Variants in NRDE2 observed in about 807,000 individuals in gnomAD.
NRDE2 encodes the protein nuclear exosome regulator NRDE2.
A neutral mutation model predicts 124.2 loss-of-function variants in NRDE2; 76 were observed. The observed-to-expected ratio is 0.61, with a 90% CI of 0.51 to 0.74. The LOEUF (loss-of-function observed/expected upper bound fraction) is 0.74, where lower values mean the gene tolerates loss of function less well. Among genes scored for constraint, NRDE2 ranks in the 30% least tolerant of loss-of-function variants. The probability of loss-of-function intolerance (pLI) is 0.00; values close to 1 mark genes in which losing one functional copy is unlikely to be tolerated. For synonymous variants in NRDE2, 489 were observed against 528.1 expected, an observed-to-expected ratio of 0.93 and a Z score of 1.01; for missense variants, 1,314 against 1,417.3, an observed-to-expected ratio of 0.93 and a Z score of 1.17.
rs984246940 is a variant in NRDE2 at position 90,277,540 on chromosome 14, C to T, written c.*796G>A. ...AATGCAACACCAGAACCAGGCCAGC[C>T]TTGGCCTTCATAGTGTAAGCAGCGT... On this transcript the variant is annotated 3_prime_UTR_variant, in exon 14 of 14. Coordinates refer to ENST00000354366, the MANE Select transcript of NRDE2 (RefSeq NM_017970.4). 1.3e-5 allele frequency: 2 copies of T among 152,308 alleles called. No homozygotes were observed. Among genetic ancestry groups the T allele is most frequent in the Non-Finnish European group, 2.9e-5 (2 of 68,078 alleles). 9.4% of individuals were successfully genotyped at this position (152,308 alleles called of 1,614,324 possible).
chr14:90,309,837 G>A (rs1426925044), intron 4 of NRDE2, among the ~76,000 whole-genome samples: 1 of 152,190 alleles, frequency 6.6e-6, no homozygotes. Context: ...TTTGTCTTGT[G>A]TAAACTTTAC....
chr14:90,288,136 G>T, intron 11 of NRDE2, 81 bp downstream of exon 11: 1 of 1,333,922 alleles, frequency 7.5e-7, no homozygotes, highest in South Asian at 1.4e-5. Flanking sequence ...CTGTCTTCCT[G>T]AGACCCAGCA....
chr14:90,298,557 C>T (rs1029404875), intron 7 of NRDE2, among the ~76,000 whole-genome samples, 177 bp from the exon 8 acceptor site: 2 of 152,282 alleles, frequency 1.3e-5, no homozygotes, highest in Admixed American at 6.5e-5. Flanking sequence ...ATCTATCTAG[C>T]GTGGCAGGCA....
In NRDE2 at chr14:90,268,980, C is replaced by T. The variant is rs973321596; in HGVS notation, c.*9356G>A. On this transcript the variant is annotated 3_prime_UTR_variant, in exon 14 of 14. Coordinates refer to ENST00000354366, the MANE Select transcript of NRDE2 (RefSeq NM_017970.4). ...GCTGCTCTCTGCTTCCGAGATGGCA[C>T]CTATTCTGCAGAGGAGACAAATGCT... 9 of 161,958 alleles carry T rather than the reference C, an allele frequency of 5.6e-5. No homozygotes were observed. Among genetic ancestry groups the T allele is most frequent in the Admixed American group, 5.5e-4 (9 of 16,350 alleles). The allele number at this position is 161,958 out of a possible 1,614,324, so 10.0% of individuals were successfully genotyped here.
chr14:90,319,604 G>C (rs1160788979), intron 1 of NRDE2, among the ~76,000 whole-genome samples: 1 of 152,088 alleles, frequency 6.6e-6, no homozygotes, highest in Non-Finnish European at 1.5e-5. Flanking sequence ...AATATACGTG[G>C]TCTTTTGTAA....
Position 90,278,479 on chromosome 14 carries a change from A to G in NRDE2, c.3370-18T>C. The G allele has an allele frequency of 6.2e-7, 1 of 1,612,378 alleles. No individual in the cohort carries two copies. The highest frequency in any genetic ancestry group is 2.2e-5 in the East Asian group (1 of 44,852). ...TACAACACCTAGGGGGCAGGCAGGA[A>G]GGCCGCCCCACTCAGCCGCCACTTC... On this transcript the variant is annotated intron_variant, in intron 13 of 13. Coordinates refer to ENST00000354366, the MANE Select transcript of NRDE2 (RefSeq NM_017970.4).
chr14:90,278,086 G>T lies in NRDE2; in HGVS notation c.*250C>A. ...CAATCATCATCGGTTTAATGACCAC[G>T]TGGCATGACTCTCTGGCTATGTACA... On this transcript the variant is annotated 3_prime_UTR_variant, in exon 14 of 14. Coordinates refer to ENST00000354366, the MANE Select transcript of NRDE2 (RefSeq NM_017970.4). 1 of 370,388 alleles carries T rather than the reference G, an allele frequency of 2.7e-6. No homozygotes were observed. The highest frequency in any genetic ancestry group is 5.1e-6 in the Non-Finnish European group (1 of 196,066). The allele number at this position is 370,388 out of a possible 1,614,324, so 22.9% of individuals were successfully genotyped here.
At chr14:90,316,908 A>G in intron 2 of NRDE2, 97 bp from the exon 3 acceptor site, 2 of 815,778 alleles carry the variant, frequency 2.5e-6, no homozygotes, top group Non-Finnish European at 1.9e-6. Context: ...ATGGAACTAT[A>G]TAAATGTTCA....
In NRDE2 at chr14:90,286,705, G is replaced by A. The variant is rs78519081; in HGVS notation, c.3159-213C>T. Among the ~76,000 whole-genome samples the A allele has an allele frequency of 5.5e-3, 841 of 152,278 alleles. 7 individuals are homozygous for A. The highest frequency in any genetic ancestry group is 0.02 in the African/African-American group (815 of 41,556). ...AGTTCTGTGGTTTCCACACCACATC[G>A]AATCTGTCTTGAAGTCACACAAAAA... On this transcript the variant is annotated intron_variant, in intron 11 of 13. Coordinates refer to ENST00000354366, the MANE Select transcript of NRDE2 (RefSeq NM_017970.4).
chr14:90,316,806 T>C lies in NRDE2; in HGVS notation c.179A>G (p.His60Arg). The change falls in exon 3 of 14, where the codon CAT (histidine) becomes CGT (arginine). Residue 60 changes from histidine to arginine, a missense_variant. Transcript: ENST00000354366. ...VSEGLPLTRS[H>R]LKSESSDESD... The stretch of plus-strand genomic sequence containing the variant: ...TTCATCTGAAGACTCTGATTTCAGA[T>C]GACTCCTGTTTGGGAAAATCAACTT... The C allele has an allele frequency of 6.3e-7, 1 of 1,598,948 alleles. No individual in the cohort carries two copies. Among genetic ancestry groups the C allele is most frequent in the Non-Finnish European group, 8.5e-7 (1 of 1,173,628 alleles).
At position 90,270,449 on chromosome 14, in the gene NRDE2, G is replaced by A. The variant is rs755199127; in HGVS notation, c.*7887C>T. ...TTGGGATGGTGGTTGGCCTGGACAG[G>A]TGGGTGTCTGTATTTTAATCATCAT... On this transcript the variant is annotated 3_prime_UTR_variant, in exon 14 of 14. Transcript: ENST00000354366. 7.9e-5 allele frequency: 104 copies of A among 1,321,854 alleles called. No homozygotes were observed. The highest frequency in any genetic ancestry group is 1.0e-4 in the Non-Finnish European group (102 of 985,994). The allele number at this position is 1,321,854 out of a possible 1,614,324, so 81.9% of individuals were successfully genotyped here.
chr14:90,292,618 A>G, intron 9 of NRDE2, 79 bp downstream of exon 9: 1 of 1,494,680 alleles, frequency 6.7e-7, no homozygotes, highest in Non-Finnish European at 9.1e-7. Context: ...GCCTCCTTTC[A>G]GATAACCAAA....
Position 90,303,977 on chromosome 14 carries a change from A to T in NRDE2, c.963T>A (p.Asn321Lys). The T allele has an allele frequency of 6.2e-7, 1 of 1,613,406 alleles. No homozygotes were observed. The highest frequency in any genetic ancestry group is 8.5e-7 in the Non-Finnish European group (1 of 1,179,564). The change falls in exon 5 of 14, where the codon AAT becomes AAA. Residue 321 changes from asparagine (N) to lysine (K), a missense_variant. Coordinates refer to ENST00000354366, the MANE Select transcript of NRDE2 (RefSeq NM_017970.4). ...VEEFNRRVRE[N>K]PRDTQLWMAF... ...CCATCCACAGCTGCGTATCCCGAGG[A>T]TTCTCCCGCACCCTCCTGTTAAACT...
At position 90,269,493 on chromosome 14, in the gene NRDE2, A is replaced by G. The variant is rs781426242; in HGVS notation, c.*8843T>C. 1 of 1,613,970 alleles carries G rather than the reference A, an allele frequency of 6.2e-7. No individual in the cohort carries two copies. Among genetic ancestry groups the G allele is most frequent in the Non-Finnish European group, 8.5e-7 (1 of 1,179,972 alleles). On this transcript the variant is annotated 3_prime_UTR_variant, in exon 14 of 14. Coordinates refer to ENST00000354366, the MANE Select transcript of NRDE2 (RefSeq NM_017970.4). ...GATTTGATTCTAGGGGAGATGTGAA[A>G]GTTATCATGGCCACAAACCGAATAG...
intron 1 of NRDE2, among the ~76,000 whole-genome samples, chr14:90,324,529 A>G (rs1247607117): frequency 6.6e-6 from 1 of 152,006 alleles, no homozygotes; most frequent in African/African-American, 2.4e-5. Context: ...TACAAAAATT[A>G]GCCAGGTGTG....
chr14:90,312,606 T>C (rs1884887129), intron 3 of NRDE2, 63 bp from the exon 4 acceptor site: 10 of 1,568,406 alleles, frequency 6.4e-6, no homozygotes, highest in Non-Finnish European at 8.8e-6. Flanking sequence ...GTGACGCAGG[T>C]GGCATTTTCA....
At position 90,273,099 on chromosome 14, in the gene NRDE2, T is replaced by C. The variant is rs568640894; in HGVS notation, c.*5237A>G. 2 of 152,294 alleles carry C rather than the reference T, an allele frequency of 1.3e-5. No homozygotes were observed. Among genetic ancestry groups the C allele is most frequent in the Admixed American group, 1.3e-4 (2 of 15,290 alleles). 9.4% of individuals were successfully genotyped at this position (152,294 alleles called of 1,614,324 possible). ...TCCCTTTCTCCGTCTATTTCCGTCA[T>C]TTCTCTTTCTGAACAAATCAGGCCT... is the stretch of plus-strand genomic sequence containing the variant. On this transcript the variant is annotated 3_prime_UTR_variant, in exon 14 of 14. Transcript: ENST00000354366.
Position 90,269,346 on chromosome 14 carries a change from G to C in NRDE2, c.*8990C>G. The stretch of plus-strand genomic sequence containing the variant: ...TGAGGTCTTTGCTGTAATTCCCCTT[G>C]AGCAGGCGATCAGTTGAGTCTTCAT... On this transcript the variant is annotated 3_prime_UTR_variant, in exon 14 of 14. Transcript: ENST00000354366. 2 of 1,512,792 alleles carry C rather than the reference G, an allele frequency of 1.3e-6. No homozygotes were observed. Among genetic ancestry groups the C allele is most frequent in the East Asian group, 4.6e-5 (2 of 43,926 alleles). The allele number at this position is 1,512,792 out of a possible 1,614,324, so 93.7% of individuals were successfully genotyped here. A position where few individuals can be genotyped will look rare whatever the true frequency, so the allele number is the denominator to read the frequency against.
At chr14:90,283,085 C>T (rs999103619) in intron 12 of NRDE2, among the ~76,000 whole-genome samples, 6 of 152,208 alleles carry the variant, frequency 3.9e-5, no homozygotes, top group African/African-American at 9.6e-5. Context: ...CCCCGGCCTG[C>T]GAGGCTCCCT....
Sources: allele counts gnomAD v4.1 joint callset (sites outside exome capture counted in the v4.1 genomes callset), GRCh38; gene constraint gnomAD v4.1.1; transcripts MANE v1.5; gene names NCBI Gene and HGNC (gene_info 2026-07-23, HGNC 2026-07-21).